Variants in STRN3 observed in about 807,000 individuals in gnomAD.
STRN3 encodes the protein striatin 3.
A neutral mutation model predicts 95.6 loss-of-function variants in STRN3; 29 were observed. The observed-to-expected ratio is 0.30, with a 90% confidence interval of 0.23 to 0.41. The LOEUF is 0.41. Ranked by LOEUF, STRN3 falls within the 10% of genes least tolerant of loss-of-function variation. The probability of loss-of-function intolerance (pLI) is 1.00; values close to 1 mark genes in which losing one functional copy is unlikely to be tolerated. For missense variants in STRN3, 890 were observed against 972.1 expected (o/e 0.92, Z 1.12); for synonymous variants, 331 against 357.6 (o/e 0.93, Z 0.84).
chr14:30,912,760 C>A (rs1161466391), intron 10 of STRN3, among the ~76,000 whole-genome samples: 1 of 151,942 alleles, frequency 6.6e-6, no homozygotes, highest in Non-Finnish European at 1.5e-5. Flanking sequence ...ACTTCTAAAG[C>A]AGTCAAAAGT....
intron 1 of STRN3, among the ~76,000 whole-genome samples, chr14:30,984,127 G>GCCCC (rs59078202): frequency 2.9e-4 from 24 of 81,436 alleles, no homozygotes; most frequent in African/African-American, 1.1e-3. Flanking sequence ...CATCTTCCCC[G>GCCCC]CCCCCCCCAA....
chr14:31,017,484 G>A (rs1321100672), intron 1 of STRN3, among the ~76,000 whole-genome samples: 2 of 150,972 alleles, frequency 1.3e-5, no homozygotes, highest in Admixed American at 6.6e-5. Context: ...GGGCGACGCA[G>A]CGAGACTCCG....
intron 6 of STRN3, among the ~76,000 whole-genome samples, chr14:30,936,031 T>C (rs569301354): frequency 1.3e-5 from 2 of 152,360 alleles, no homozygotes; most frequent in Admixed American, 6.5e-5. Context: ...TAGATAAACC[T>C]GTTTCTTAGG....
chr14:31,026,078 T>A lies in STRN3; in HGVS notation c.108A>T (p.Gly36=). 4 of 1,530,366 alleles carry A rather than the reference T, an allele frequency of 2.6e-6. No homozygotes were observed. The highest frequency in any genetic ancestry group is 2.0e-4 in the Middle Eastern group (1 of 4,940). The allele number at this position is 1,530,366 out of a possible 1,614,324, so 94.8% of individuals were successfully genotyped here. ...CCGGAGGACCCCCGCCGCCCGCCGCTCCGTTCCCCCCGGGCGAAAGGCCCA... is the reference window on the plus strand; with the variant it reads ...CCGGAGGACCCCCGCCGCCCGCCGCACCGTTCCCCCCGGGCGAAAGGCCCA... The part of the protein sequence containing the change: ...GNLGLSPGGN[G]AAGGGGPPAS... Residue 36 remains glycine, a synonymous_variant, in exon 1 of 18, where the codon GGA becomes GGT. Coordinates refer to ENST00000357479, the MANE Select transcript of STRN3 (RefSeq NM_001083893.2).
chr14:30,943,014 A>C (rs988140486), intron 5 of STRN3, among the ~76,000 whole-genome samples: 4 of 152,250 alleles, frequency 2.6e-5, no homozygotes, highest in African/African-American at 9.6e-5. Flanking sequence ...TTCAGAATTC[A>C]TATTCTTAAC....
intron 8 of STRN3, among the ~76,000 whole-genome samples, chr14:30,925,013 A>C (rs1002407076): frequency 2.0e-5 from 3 of 152,180 alleles, no homozygotes; most frequent in Non-Finnish European, 4.4e-5. Context: ...GTTAAAAGGA[A>C]AAGAAAGCTT....
chr14:30,926,870 T>C (rs774770436), intron 8 of STRN3, among the ~76,000 whole-genome samples: 2 of 152,168 alleles, frequency 1.3e-5, no homozygotes, highest in Non-Finnish European at 2.9e-5. Context: ...ATCCATTTCA[T>C]ATACTGAGTT....
chr14:30,962,666 C>T (rs554139405), intron 1 of STRN3, among the ~76,000 whole-genome samples: 3 of 152,270 alleles, frequency 2.0e-5, no homozygotes, highest in South Asian at 4.2e-4. Context: ...TCCCGAGCAG[C>T]TGGAACTACA....
At chr14:31,024,645 A>C (rs1246028937) in intron 1 of STRN3, among the ~76,000 whole-genome samples, 1 of 152,230 alleles carries the variant, frequency 6.6e-6, no homozygotes, top group Non-Finnish European at 1.5e-5. Flanking sequence ...CTAGTTCAGA[A>C]CCAAACTAAA....
At chr14:30,916,000 T>C (rs1566433360) in intron 9 of STRN3, among the ~76,000 whole-genome samples, 1 of 152,204 alleles carries the variant, frequency 6.6e-6, no homozygotes, top group East Asian at 1.9e-4. Flanking sequence ...ACATATATTT[T>C]ATGACATATT....
intron 7 of STRN3, among the ~76,000 whole-genome samples, chr14:30,933,393 TATAC>T (rs1878654721): frequency 6.7e-6 from 1 of 150,184 alleles, no homozygotes; most frequent in African/African-American, 2.4e-5. Flanking sequence ...AGTAAATATA[TATAC>T]ATATACTTAT....
chr14:30,898,383 C>T, intron 16 of STRN3, among the ~76,000 whole-genome samples: 1 of 152,180 alleles, frequency 6.6e-6, no homozygotes, highest in Non-Finnish European at 1.5e-5. Flanking sequence ...TTTTCCAATA[C>T]AAGAGCTACA....
chr14:30,912,218 T>G (rs756868009), intron 10 of STRN3, 36 bp from the exon 11 acceptor site: 1 of 1,592,666 alleles, frequency 6.3e-7, no homozygotes, highest in South Asian at 1.1e-5. Flanking sequence ...GTGGTAAAAG[T>G]AGTAAACTGG....
intron 5 of STRN3, among the ~76,000 whole-genome samples, chr14:30,942,298 T>C (rs1879132307): frequency 6.6e-6 from 1 of 152,212 alleles, no homozygotes; most frequent in Non-Finnish European, 1.5e-5. Flanking sequence ...ACACAAGTAA[T>C]ATGTGACTTT....
At chr14:30,950,239 T>C (rs1341566342) in intron 4 of STRN3, among the ~76,000 whole-genome samples, 6 of 152,162 alleles carry the variant, frequency 3.9e-5, no homozygotes, top group Non-Finnish European at 8.8e-5. Context: ...GTCCAGACTA[T>C]GAAATATTCT....
chr14:30,979,333 G>T (rs1018363020), intron 1 of STRN3, among the ~76,000 whole-genome samples: 1 of 152,054 alleles, frequency 6.6e-6, no homozygotes, highest in Non-Finnish European at 1.5e-5. Flanking sequence ...TAGGCCCAAA[G>T]AAAAAGGTTT....
chr14:31,021,980 A>C (rs1883528348), intron 1 of STRN3, among the ~76,000 whole-genome samples: 1 of 152,162 alleles, frequency 6.6e-6, no homozygotes, highest in African/African-American at 2.4e-5. Context: ...TAATACTATC[A>C]ATAAAATTTT....
intron 1 of STRN3, among the ~76,000 whole-genome samples, chr14:31,024,785 C>T (rs1883709760): frequency 1.3e-5 from 2 of 152,188 alleles, no homozygotes; most frequent in African/African-American, 4.8e-5. Flanking sequence ...CCTAAATACA[C>T]AACAGTCTGA....
intron 1 of STRN3, among the ~76,000 whole-genome samples, chr14:31,020,800 G>A (rs1883468783): frequency 6.6e-6 from 1 of 152,124 alleles, no homozygotes; most frequent in Non-Finnish European, 1.5e-5. Context: ...CACCTACTCG[G>A]GAGGCTGCAG....
Sources: allele counts gnomAD v4.1 joint callset (sites outside exome capture counted in the v4.1 genomes callset), GRCh38; gene constraint gnomAD v4.1.1; transcripts MANE v1.5; gene names NCBI Gene and HGNC (gene_info 2026-07-23, HGNC 2026-07-21).